The following PRRC2A variants were observed in gnomAD, a reference collection of about 807,000 sequenced individuals.
The protein encoded by PRRC2A is protein PRRC2A.
PRRC2A carries 59 observed loss-of-function variants against 224.6 expected under a neutral mutation model. The observed-to-expected ratio is 0.26, with a 90% CI of 0.21 to 0.33. The LOEUF (loss-of-function observed/expected upper bound fraction) is 0.33. Among genes scored for constraint, PRRC2A ranks in the 10% least tolerant of loss-of-function variants. PRRC2A has a pLI of 1.00. For missense variants in PRRC2A, 3,095 were observed against 2,880.7 expected, an observed-to-expected ratio of 1.07 and a Z score of -1.70; for synonymous variants, 1,194 against 1,109.5, an observed-to-expected ratio of 1.08 and a Z score of -1.51.
chr6:31,630,360 G>A (rs1420174955), intron 14 of PRRC2A, among the ~76,000 whole-genome samples: 6 of 152,248 alleles, frequency 3.9e-5, no homozygotes, highest in Non-Finnish European at 8.8e-5. Flanking sequence ...AAAAATGAAT[G>A]AATGAATGAA....
intron 13 of PRRC2A, 91 bp from the exon 14 acceptor site, chr6:31,629,457 C>T: frequency 7.0e-7 from 1 of 1,429,420 alleles, no homozygotes; most frequent in South Asian, 1.2e-5. Context: ...ATTGTCACGC[C>T]AATTTCCCCT....
chr6:31,626,925 C>G, intron 10 of PRRC2A, 57 bp from the exon 11 acceptor site: 2 of 1,612,714 alleles, frequency 1.2e-6, no homozygotes, highest in Non-Finnish European at 1.7e-6. Context: ...GTAATATACT[C>G]TTAGAGGAGT....
chr6:31,635,999 T>C lies in PRRC2A; in HGVS notation c.5574T>C (p.His1858=). Residue 1858 remains histidine (H), a synonymous_variant, in exon 25 of 31, where the codon CAT becomes CAC. Transcript: ENST00000376033. ...ISGGAMDSQL[H]PNSGGFRPGT... ...GGGGAGCCATGGACTCTCAATTACA[T>C]CCAAACAGTGGAGGCTTCCGCCCTG... is the stretch of plus-strand genomic sequence containing the variant. 6.2e-7 allele frequency: 1 copy of C among 1,613,474 alleles called. No homozygotes were observed. Among genetic ancestry groups the C allele is most frequent in the Non-Finnish European group, 8.5e-7 (1 of 1,179,514 alleles).
intron 16 of PRRC2A, 39 bp downstream of exon 16, chr6:31,633,031 T>G: frequency 2.7e-6 from 4 of 1,466,394 alleles, no homozygotes; most frequent in Non-Finnish European, 3.6e-6. Flanking sequence ...GTTTAAAAAT[T>G]GGAGGAGGGG....
Position 31,629,679 on chromosome 6 carries a change from A to ACC in PRRC2A, c.2092_2093dup (p.Pro699ArgfsTer20). 1.3e-6 allele frequency: 2 copies of ACC among 1,574,540 alleles called. No homozygotes were observed. ...GGGCTGTGCCAGCTCCACAGGCTCC[A>ACC]CCCCCGCCCCCCAAGGCCCTGTACC... is the stretch of plus-strand genomic sequence containing the variant. On this transcript the variant is annotated frameshift_variant, in exon 14 of 31. Transcript: ENST00000376033. LOFTEE classifies it high-confidence loss of function.
At position 31,627,150 on chromosome 6, in the gene PRRC2A, A is replaced by G. The variant is rs1037787075; in HGVS notation, c.1242A>G (p.Pro414=). Residue 414 remains proline (P), a synonymous_variant, in exon 11 of 31, where the codon CCA becomes CCG. Coordinates refer to ENST00000376033, the MANE Select transcript of PRRC2A (RefSeq NM_004638.4). The surrounding 1 kb of genome is among the most constrained non-coding windows in gnomAD (Gnocchi z 5.6). ...CTGCCCCAAAGCCTCCCCTACCCCC[A>G]CCTCACCGGGGCCCCGCCGGGAACT... ...GPPAPKPPLP[P]PHRGPAGNWG... is the part of the protein sequence containing the mutation. The G allele has an allele frequency of 6.2e-7, 1 of 1,612,900 alleles. No homozygotes were observed. The highest frequency in any genetic ancestry group is 1.3e-5 in the African/African-American group (1 of 74,788).
Position 31,631,419 on chromosome 6 carries a change from C to A in PRRC2A, c.2746C>A (p.Pro916Thr). 6.2e-7 allele frequency: 1 copy of A among 1,610,572 alleles called. No homozygotes were observed. The highest frequency in any genetic ancestry group is 8.5e-7 in the Non-Finnish European group (1 of 1,179,004). Residue 916 changes from proline to threonine, a missense_variant, in exon 16 of 31, where the codon CCA (proline) becomes ACA (threonine). Pro to Thr is a conservative substitution (Grantham distance 38, BLOSUM62 -1). This residue lies in a region of PRRC2A where 2,001 missense variants were observed against 1,764.9 expected (regional missense o/e 1.13). Transcript: ENST00000376033. This position sits in a 1 kb window ranked among gnomAD's most constrained non-coding sequence, Gnocchi z 4.5. ...GAGTGGAGGCCAGGGCCCCCCACCA[C>A]CACGCAGAGAGAGTCGCACAGAGAC... is the stretch of plus-strand genomic sequence containing the variant. ...VGSGGQGPPP[P>T]RRESRTETRW...
Position 31,633,967 on chromosome 6 carries a change from G to C in PRRC2A, c.4697G>C (p.Arg1566Thr). 2 of 1,604,102 alleles carry C rather than the reference G, an allele frequency of 1.2e-6. No individual in the cohort carries two copies. The highest frequency in any genetic ancestry group is 1.7e-6 in the Non-Finnish European group (2 of 1,177,698). ...CCTAAACGTCGGGAGCGGCCTCCCA[G>C]AAAACCAGAGCTGCTACAGGAGGTA... Reference protein sequence around the residue: ...FPPKRRERPPRKPELLQEESL... With the variant: ...FPPKRRERPPTKPELLQEESL... The change falls in exon 18 of 31, where the codon AGA becomes ACA. Residue 1566 changes from arginine to threonine, a missense_variant. This residue lies in a region of PRRC2A where 2,001 missense variants were observed against 1,764.9 expected (regional missense o/e 1.13). Transcript: ENST00000376033.
chr6:31,623,604 C>T (rs1026665915), intron 2 of PRRC2A, 128 bp from the exon 3 acceptor site: 1 of 1,073,464 alleles, frequency 9.3e-7, no homozygotes, highest in Non-Finnish European at 1.3e-6. Context: ...GGAAGGAATC[C>T]CTTCTAAGAG....
At position 31,627,880 on chromosome 6, in the gene PRRC2A, G is replaced by A. The variant is rs146254949; in HGVS notation, c.1406G>A (p.Arg469Gln). The change falls in exon 12 of 31, where the codon CGA becomes CAA. Residue 469 changes from arginine to glutamine, a missense_variant. Physicochemically the swap from Arg to Gln is conservative, Grantham distance 43. Coordinates refer to ENST00000376033, the MANE Select transcript of PRRC2A (RefSeq NM_004638.4). This position sits in a 1 kb window ranked among gnomAD's most constrained non-coding sequence, Gnocchi z 5.6. ...EISLAVERARRRREEEERRMQ... is the reference protein window; with the variant it reads ...EISLAVERARQRREEEERRMQ... The stretch of plus-strand genomic sequence containing the variant: ...TCCCTGGCAGTGGAGCGGGCCCGGC[G>A]ACGGCGAGAAGAAGAGGAGCGGCGC... 214 of 1,613,042 alleles carry A rather than the reference G, an allele frequency of 1.3e-4. 2 individuals are homozygous for A. The highest frequency in any genetic ancestry group is 7.7e-4 in the Admixed American group (46 of 60,016).
At position 31,636,702 on chromosome 6, in the gene PRRC2A, C is replaced by A. The variant is rs369372748; in HGVS notation, c.5935-31C>A. ...GGTTTTCTGACATTCCTCCCTGCCC[C>A]CAACATGCACACCCAAATTTCTTGT... is the stretch of plus-strand genomic sequence containing the variant. On this transcript the variant is annotated intron_variant, in intron 27 of 30. Transcript: ENST00000376033. The surrounding 1 kb of genome is among the most constrained non-coding windows in gnomAD (Gnocchi z 4.3). 6.2e-7 allele frequency: 1 copy of A among 1,603,488 alleles called. No homozygotes were observed. Among genetic ancestry groups the A allele is most frequent in the South Asian group, 1.1e-5 (1 of 90,880 alleles).
Position 31,627,701 on chromosome 6 carries a change from A to G in PRRC2A, c.1291-64A>G. 1.9e-6 allele frequency: 3 copies of G among 1,567,644 alleles called. No homozygotes were observed. Among genetic ancestry groups the G allele is most frequent in the Non-Finnish European group, 1.7e-6 (2 of 1,155,246 alleles). ...AAGTAGCGACAGTTGATTTGTTGTA[A>G]AAGAGATGATAGAAAGCATAGTAAC... On this transcript the variant is annotated intron_variant, in intron 11 of 30. Coordinates refer to ENST00000376033, the MANE Select transcript of PRRC2A (RefSeq NM_004638.4). The surrounding 1 kb of genome is among the most constrained non-coding windows in gnomAD (Gnocchi z 5.6).
At chr6:31,634,120 C>A (rs1706464175) in intron 18 of PRRC2A, 116 bp from the exon 19 acceptor site, 2 of 1,564,108 alleles carry the variant, frequency 1.3e-6, no homozygotes, top group Middle Eastern at 1.7e-4. Flanking sequence ...GTATTAGTCT[C>A]CCATGTGTCT....
rs1486843888 is a variant in PRRC2A at position 31,634,946 on chromosome 6, C to G, written c.5129C>G (p.Pro1710Arg). Reference protein sequence around the residue: ...GPPGSEPPRRPPPAPHDGDRK... With the variant: ...GPPGSEPPRRRPPAPHDGDRK... The stretch of plus-strand genomic sequence containing the variant: ...CCTGGCTCTGAACCTCCTAGGAGAC[C>G]ACCACCTGCCCCCCACGATGGGGAC... Residue 1710 changes from proline (P) to arginine (R), a missense_variant, in exon 21 of 31, where the codon CCA becomes CGA. Pro to Arg is a moderately radical substitution (Grantham distance 103). Around this residue, in one of 8 missense-constraint regions of PRRC2A, gnomAD observed 662 missense variants for 609.5 expected, o/e 1.09. Coordinates refer to ENST00000376033, the MANE Select transcript of PRRC2A (RefSeq NM_004638.4). 1 of 1,612,768 alleles carries G rather than the reference C, an allele frequency of 6.2e-7. No homozygotes were observed. The highest frequency in any genetic ancestry group is 1.7e-5 in the Admixed American group (1 of 60,006).
In PRRC2A at chr6:31,631,608, C is replaced by G. The variant is rs1195903067; in HGVS notation, c.2935C>G (p.Pro979Ala). Residue 979 changes from proline to alanine, a missense_variant, in exon 16 of 31, where the codon CCA (proline) becomes GCA (alanine). Pro to Ala is a conservative substitution (Grantham distance 27). Transcript: ENST00000376033. The surrounding 1 kb of genome is among the most constrained non-coding windows in gnomAD (Gnocchi z 4.5). ...LEQGDETPKPPKPDPLKITKG... is the reference protein window; with the variant it reads ...LEQGDETPKPAKPDPLKITKG... ...ACAGGGGGATGAAACCCCCAAACCC[C>G]CAAAGCCAGACCCACTCAAGATAAC... is the stretch of plus-strand genomic sequence containing the variant. 6.5e-7 allele frequency: 1 copy of G among 1,540,090 alleles called. No individual in the cohort carries two copies. The highest frequency in any genetic ancestry group is 8.7e-7 in the Non-Finnish European group (1 of 1,148,432).
chr6:31,636,518 G>T lies in PRRC2A; in HGVS notation c.5844G>T (p.Gln1948His). 1 of 1,609,690 alleles carries T rather than the reference G, an allele frequency of 6.2e-7. No individual in the cohort carries two copies. Among genetic ancestry groups the T allele is most frequent in the Non-Finnish European group, 8.5e-7 (1 of 1,178,182 alleles). ...LPDTSLLQVRQDLPSPSDFYS... is the reference protein window; with the variant it reads ...LPDTSLLQVRHDLPSPSDFYS... ...TCCCTGTTTCCCGACAGGTACGCCA[G>T]GATCTGCCATCCCCTTCGGATTTTT... The change falls in exon 27 of 31, where the codon CAG becomes CAT. Residue 1948 changes from glutamine (Q) to histidine (H), a missense_variant. This residue lies in a region of PRRC2A where 662 missense variants were observed against 609.5 expected (regional missense o/e 1.09). Transcript: ENST00000376033. The surrounding 1 kb of genome is among the most constrained non-coding windows in gnomAD (Gnocchi z 4.3).
chr6:31,629,053 G>A, intron 12 of PRRC2A, 91 bp from the exon 13 acceptor site: 1 of 1,302,510 alleles, frequency 7.7e-7, no homozygotes, highest in Non-Finnish European at 1.1e-6. Flanking sequence ...TTAGTCTTAA[G>A]GGAGCTAGAG....
chr6:31,628,146 ACTC>A lies in PRRC2A; in HGVS notation c.1675_1677del (p.Pro559del), dbSNP rs771297139. ...AGCACAGGCCCCTCCTGCCCAATCT[ACTC>A]CTACTCCAGGTGTGGCTGCGGCTCC... is the stretch of plus-strand genomic sequence containing the variant. On this transcript the variant is annotated inframe_deletion, in exon 12 of 31. Coordinates refer to ENST00000376033, the MANE Select transcript of PRRC2A (RefSeq NM_004638.4). 3.2e-5 allele frequency: 52 copies of A among 1,612,598 alleles called. No homozygotes were observed. Among genetic ancestry groups the A allele is most frequent in the Admixed American group, 2.3e-4 (14 of 59,968 alleles).
rs776554819 is a variant in PRRC2A, at chr6:31,632,941, C to A, written c.4268C>A (p.Thr1423Asn). Reference protein sequence around the residue: ...GGGGGGPGGRTGPGRGDKRSW... With the variant: ...GGGGGGPGGRNGPGRGDKRSW... ...GGCGGTGGGGGTCCTGGAGGAAGGA[C>A]CGGGCCAGGACGAGGCGACAAGAGG... The change falls in exon 16 of 31, where the codon ACC becomes AAC. Residue 1423 changes from threonine to asparagine, a missense_variant. Transcript: ENST00000376033. 1 of 1,611,284 alleles carries A rather than the reference C, an allele frequency of 6.2e-7. No individual in the cohort carries two copies.
Sources: allele counts gnomAD v4.1 joint callset (sites outside exome capture counted in the v4.1 genomes callset), GRCh38; gene constraint gnomAD v4.1.1; regional missense constraint gnomAD v4.1.1; non-coding constraint Gnocchi (gnomAD v3.1); transcripts MANE v1.5; gene names NCBI Gene and HGNC (gene_info 2026-07-23, HGNC 2026-07-21).